Variants in NRXN3 observed in about 807,000 individuals in gnomAD.
The protein encoded by NRXN3 is neurexin III.
A neutral mutation model predicts 137.6 loss-of-function variants in NRXN3; 32 were observed. The ratio of observed to expected loss-of-function variants is 0.23; its 90% CI spans 0.18 to 0.31. The LOEUF (loss-of-function observed/expected upper bound fraction) is 0.31. Among genes scored for constraint, NRXN3 ranks in the 10% least tolerant of loss-of-function variants. NRXN3 has a pLI of 1.00. For missense variants in NRXN3, 1,574 were observed against 2,062.5 expected (o/e 0.76, Z 4.59); for synonymous variants, 798 against 784.5 (o/e 1.02, Z -0.29).
At chr14:78,199,970 C>T (rs2061537184) in intron 1 of NRXN3, among the ~76,000 whole-genome samples, 1 of 152,096 alleles carries the variant, frequency 6.6e-6, no homozygotes, top group Non-Finnish European at 1.5e-5. Context: ...GAAGCATAGC[C>T]CTGGAAGAGG....
At chr14:79,358,607 G>GGAA (rs1555397489) in intron 15 of NRXN3, among the ~76,000 whole-genome samples, 1 of 79,944 alleles carries the variant, frequency 1.3e-5, no homozygotes, top group Non-Finnish European at 2.6e-5. Context: ...AAGAAAGAAA[G>GGAA]AGAAAGAAAG....
chr14:79,772,622 C>T (rs2099082483), intron 19 of NRXN3, among the ~76,000 whole-genome samples: 1 of 152,114 alleles, frequency 6.6e-6, no homozygotes, highest in Non-Finnish European at 1.5e-5. Context: ...ATACAAAAAT[C>T]AATTCAATAT....
At chr14:79,026,950 T>TTATATATATA (rs764640398) in intron 15 of NRXN3, among the ~76,000 whole-genome samples, 12 of 135,120 alleles carry the variant, frequency 8.9e-5, no homozygotes, top group African/African-American at 3.6e-4. Context: ...TATTATAATT[T>TTATATATATA]TATATATATA....
intron 4 of NRXN3, among the ~76,000 whole-genome samples, chr14:78,572,679 A>G (rs2030858896): frequency 6.6e-6 from 1 of 152,232 alleles, no homozygotes; most frequent in Non-Finnish European, 1.5e-5. Context: ...CAAGTTTGAA[A>G]TTACAGCAGA....
intron 4 of NRXN3, among the ~76,000 whole-genome samples, chr14:78,378,751 AAGC>A (rs2088424246): frequency 6.6e-6 from 1 of 152,172 alleles, no homozygotes; most frequent in Non-Finnish European, 1.5e-5. Context: ...AGTCCAAAGA[AAGC>A]AGAAGAAAGG....
intron 4 of NRXN3, among the ~76,000 whole-genome samples, chr14:78,549,078 A>G (rs1353265067): frequency 2.0e-5 from 3 of 152,158 alleles, no homozygotes; most frequent in African/African-American, 7.2e-5. Flanking sequence ...TAGCGAGCGA[A>G]GATTTGAGGG....
At chr14:79,565,347 G>GTGTGTATATATA (rs1491496752) in intron 16 of NRXN3, among the ~76,000 whole-genome samples, 4 of 146,630 alleles carry the variant, frequency 2.7e-5, no homozygotes, top group African/African-American at 1.0e-4. Context: ...ACATATGTGT[G>GTGTGTATATATA]CGTATATGTA....
intron 19 of NRXN3, among the ~76,000 whole-genome samples, chr14:79,750,125 G>A (rs2098992668): frequency 6.6e-6 from 1 of 152,110 alleles, no homozygotes; most frequent in South Asian, 2.1e-4. Flanking sequence ...AAGGGCAGCA[G>A]AGAAGGACTG....
Position 78,506,643 on chromosome 14 carries a change from GT to G in NRXN3, c.758-138447del, listed in dbSNP as rs71131653. Among the ~76,000 whole-genome samples the G allele has an allele frequency of 3.1e-3, 324 of 105,240 alleles. 1 individual carries two copies. Among genetic ancestry groups the G allele is most frequent in the East Asian group, 0.01 (38 of 3,766 alleles). 69.0% of individuals were successfully genotyped at this position (105,240 alleles called of 152,430 possible). A position where few individuals can be genotyped will look rare whatever the true frequency, so the allele number is the denominator to read the frequency against. On this transcript the variant is annotated intron_variant, in intron 4 of 20. Coordinates refer to ENST00000335750, the MANE Select transcript of NRXN3 (RefSeq NM_001330195.2). ...AGGTAATATCTCATATCTCATTGTAGTTTTTTTTTTTTTTTTTTTTTTTTTT... is the reference window on the plus strand; with the variant it reads ...AGGTAATATCTCATATCTCATTGTAGTTTTTTTTTTTTTTTTTTTTTTTTT...
chr14:79,802,292 C>A (rs1025185875), intron 19 of NRXN3, among the ~76,000 whole-genome samples: 2 of 152,062 alleles, frequency 1.3e-5, no homozygotes, highest in African/African-American at 2.4e-5. Flanking sequence ...AAAGTCCTAC[C>A]GGGCCATTCT....
intron 4 of NRXN3, among the ~76,000 whole-genome samples, chr14:78,386,892 ATC>A (rs1174654986): frequency 6.6e-6 from 1 of 151,548 alleles, no homozygotes. Flanking sequence ...TGATTGTCCT[ATC>A]TCAGCCTCCC....
intron 4 of NRXN3, among the ~76,000 whole-genome samples, chr14:78,310,768 T>G (rs2077888166): frequency 6.6e-6 from 1 of 152,112 alleles, no homozygotes. Flanking sequence ...GTACTGATGT[T>G]AGTGTTTGAC....
chr14:78,712,146 A>G (rs995992510), intron 7 of NRXN3, among the ~76,000 whole-genome samples: 1 of 152,220 alleles, frequency 6.6e-6, no homozygotes, highest in Non-Finnish European at 1.5e-5. Context: ...AATTGATTCT[A>G]GTATTGTCTT....
chr14:79,435,321 A>G (rs1433443039), intron 15 of NRXN3, among the ~76,000 whole-genome samples: 1 of 151,076 alleles, frequency 6.6e-6, no homozygotes, highest in Non-Finnish European at 1.5e-5. Flanking sequence ...AAAAGCCATT[A>G]CTTTCATTGA....
intron 1 of NRXN3, among the ~76,000 whole-genome samples, chr14:78,238,133 G>T (rs1354496401): frequency 6.5e-5 from 7 of 107,084 alleles, no homozygotes; most frequent in African/African-American, 2.7e-4. Flanking sequence ...TGTCAGAGTT[G>T]TGTGAGCCCC....
intron 16 of NRXN3, among the ~76,000 whole-genome samples, chr14:79,657,384 G>T (rs1453877281): frequency 6.6e-6 from 1 of 152,132 alleles, no homozygotes; most frequent in Non-Finnish European, 1.5e-5. Flanking sequence ...GAGGGGACTG[G>T]GTCATTGTCA....
intron 5 of NRXN3, 137 bp from the exon 6 acceptor site, chr14:78,651,028 A>C (rs2097736858): frequency 2.3e-6 from 2 of 881,570 alleles, no homozygotes; most frequent in Non-Finnish European, 1.7e-6. Context: ...GCACATACCA[A>C]AATCAAATCA....
chr14:79,388,789 A>G (rs937915930), intron 15 of NRXN3, among the ~76,000 whole-genome samples: 1 of 152,120 alleles, frequency 6.6e-6, no homozygotes, highest in Admixed American at 6.5e-5. Flanking sequence ...CTTATCTTGA[A>G]TTGTAGCTCC....
intron 16 of NRXN3, among the ~76,000 whole-genome samples, chr14:79,610,485 A>C (rs2098085239): frequency 6.6e-6 from 1 of 152,216 alleles, no homozygotes; most frequent in East Asian, 1.9e-4. Flanking sequence ...AGAAACTAGC[A>C]TTTGTTGACT....
Sources: allele counts gnomAD v4.1 joint callset (sites outside exome capture counted in the v4.1 genomes callset), GRCh38; gene constraint gnomAD v4.1.1; transcripts MANE v1.5; gene names NCBI Gene and HGNC (gene_info 2026-07-23, HGNC 2026-07-21).